Variants in MSR1 observed in about 807,000 individuals in gnomAD.
The protein encoded by MSR1 is macrophage scavenger receptor types I and II.
In MSR1, 53 loss-of-function variants were observed where a neutral mutation model predicts 47.2. That is an observed-to-expected ratio of 1.12 (90% CI 0.90 to 1.41). The LOEUF is 1.41. Ranked by LOEUF, MSR1 falls within the 40% of genes most tolerant of loss-of-function variation. MSR1 has a pLI of 0.00. For synonymous variants in MSR1, 239 were observed against 185.6 expected, an observed-to-expected ratio of 1.29 and a Z score of -2.34; for missense variants, 786 against 546.9, an observed-to-expected ratio of 1.44 and a Z score of -4.36.
intron 1 of MSR1, among the ~76,000 whole-genome samples, chr8:16,189,316 T>G (rs1232498298): frequency 7.9e-6 from 1 of 127,212 alleles, no homozygotes; most frequent in Non-Finnish European, 1.6e-5. Context: ...ATATATAAAA[T>G]CTTATTTACA....
chr8:16,183,836 T>C (rs1285451570), intron 1 of MSR1, among the ~76,000 whole-genome samples: 2 of 144,342 alleles, frequency 1.4e-5, no homozygotes, highest in South Asian at 2.1e-4. Flanking sequence ...ATATATTTTA[T>C]ATATCATAGA....
intron 2 of MSR1, among the ~76,000 whole-genome samples, chr8:16,176,969 T>C (rs952064101): frequency 6.6e-6 from 1 of 152,204 alleles, no homozygotes; most frequent in Non-Finnish European, 1.5e-5. Flanking sequence ...AAATATCTTC[T>C]CTTTCTTTTC....
In MSR1 at chr8:16,175,208, G is replaced by A; in HGVS notation, c.196C>T (p.Pro66Ser). Residue 66 changes from proline (P) to serine (S), a missense_variant, in exon 3 of 10, where the codon CCT (proline) becomes TCT (serine). Coordinates refer to ENST00000262101, the MANE Select transcript of MSR1 (RefSeq NM_138715.3). ...TTACCTGCCACTATTCCAATGAGAG[G>A]GATGAGAACTGCAAACACGAGGAGG... ...LYLLVFAVLI[P>S]LIGIVAAQLL... 6.2e-7 allele frequency: 1 copy of A among 1,613,906 alleles called. No homozygotes were observed. The highest frequency in any genetic ancestry group is 8.5e-7 in the Non-Finnish European group (1 of 1,179,922).
At chr8:16,140,821 C>G (rs1450967657) in intron 8 of MSR1, 1 of 1,539,034 alleles carries the variant, frequency 6.5e-7, no homozygotes, top group African/African-American at 1.4e-5. Flanking sequence ...AGCAGAGGCC[C>G]AAACAGCACC....
chr8:16,182,760 C>T (rs1563171174), intron 1 of MSR1, among the ~76,000 whole-genome samples: 1 of 152,058 alleles, frequency 6.6e-6, no homozygotes, highest in African/African-American at 2.4e-5. Context: ...TGCCTTCTTC[C>T]AGAATACCTC....
intron 3 of MSR1, among the ~76,000 whole-genome samples, chr8:16,173,442 G>C (rs908897747): frequency 1.3e-5 from 2 of 152,306 alleles, no homozygotes; most frequent in African/African-American, 2.4e-5. Flanking sequence ...TCAAATTACA[G>C]ATAAGCATAG....
At chr8:16,181,339 T>C (rs1010269503) in intron 1 of MSR1, among the ~76,000 whole-genome samples, 6 of 152,126 alleles carry the variant, frequency 3.9e-5, no homozygotes, top group African/African-American at 9.7e-5. Context: ...TATTTCTCCA[T>C]ATCCTCTCCA....
chr8:16,110,288 C>A, intron 9 of MSR1, 70 bp from the exon 10 acceptor site: 1 of 1,536,928 alleles, frequency 6.5e-7, no homozygotes, highest in Non-Finnish European at 9.0e-7. Context: ...GGGGCAAAGC[C>A]ATTAATTCCT....
At chr8:16,125,273 G>T (rs894149347) in intron 8 of MSR1, among the ~76,000 whole-genome samples, 1 of 152,082 alleles carries the variant, frequency 6.6e-6, no homozygotes, top group African/African-American at 2.4e-5. Flanking sequence ...TGCTTGACAA[G>T]GCCACTTTCT....
chr8:16,148,995 G>A lies in MSR1; in HGVS notation c.979+1236C>T, dbSNP rs372136173. Among the ~76,000 whole-genome samples the A allele has an allele frequency of 7.2e-5, 11 of 152,246 alleles. No homozygotes were observed. In the East Asian group the frequency reaches 2.1e-3, roughly 29 times the overall value. On this transcript the variant is annotated intron_variant, in intron 7 of 9. Coordinates refer to ENST00000262101, the MANE Select transcript of MSR1 (RefSeq NM_138715.3). The stretch of plus-strand genomic sequence containing the variant: ...TGGAAAAGGCAAAACTATGGAGTCA[G>A]TAAAAAGATCAGCAGCTGCCAAGAG...
chr8:16,163,919 A>G (rs940334759), intron 5 of MSR1, 146 bp downstream of exon 5: 14 of 661,660 alleles, frequency 2.1e-5, no homozygotes, highest in Non-Finnish European at 9.5e-6. Flanking sequence ...TCTGATTTTC[A>G]TATTCTTTCC....
chr8:16,178,135 G>C (rs1801712827), intron 1 of MSR1, 143 bp from the exon 2 acceptor site: 4 of 634,256 alleles, frequency 6.3e-6, no homozygotes, highest in Admixed American at 2.6e-5. Context: ...TTAAGCTCTA[G>C]GGTACATGTG....
intron 4 of MSR1, among the ~76,000 whole-genome samples, chr8:16,166,673 C>G (rs576433302): frequency 9.9e-5 from 15 of 152,138 alleles, no homozygotes; most frequent in South Asian, 4.2e-4. Flanking sequence ...TCCTTTTCAC[C>G]TCTATGGATG....
At chr8:16,189,326 A>ATATATACATAAAATCTTATTTATC (rs1802099773) in intron 1 of MSR1, among the ~76,000 whole-genome samples, 4 of 122,680 alleles carry the variant, frequency 3.3e-5, no homozygotes, top group African/African-American at 1.3e-4. Context: ...TCTTATTTAC[A>ATATATACATAAAATCTTATTTATC]TTTCATATAT....
At position 16,138,573 on chromosome 8, in the gene MSR1, A is replaced by G. The variant is rs148311354; in HGVS notation, c.1033+4985T>C. Among the ~76,000 whole-genome samples, 66 of 152,220 alleles carry G rather than the reference A, an allele frequency of 4.3e-4. No individual in the cohort carries two copies. The East Asian group carries it at 9.7e-3, about 22-fold the overall frequency. The stretch of plus-strand genomic sequence containing the variant: ...ATCTATATTTAGTCTAGGATGTCAG[A>G]TGACTTTTTAACTGAATCCCTGGAA... On this transcript the variant is annotated intron_variant, in intron 8 of 9. Transcript: ENST00000262101.
chr8:16,123,927 G>A (rs960358936), intron 8 of MSR1, among the ~76,000 whole-genome samples: 4 of 151,798 alleles, frequency 2.6e-5, no homozygotes, highest in African/African-American at 9.7e-5. Flanking sequence ...TTCTTTTTTT[G>A]TTGCAAGCTA....
chr8:16,173,259 C>A (rs1356921228), intron 3 of MSR1, among the ~76,000 whole-genome samples: 1 of 152,116 alleles, frequency 6.6e-6, no homozygotes, highest in South Asian at 2.1e-4. Flanking sequence ...TTGGTTAGAA[C>A]CTTGAATTAT....
intron 5 of MSR1, among the ~76,000 whole-genome samples, chr8:16,155,788 A>G (rs1800988845): frequency 6.6e-6 from 1 of 151,972 alleles, no homozygotes; most frequent in African/African-American, 2.4e-5. Flanking sequence ...AAAGGCAGGA[A>G]GGTGAAAATG....
intron 7 of MSR1, among the ~76,000 whole-genome samples, chr8:16,144,848 C>T (rs562351654): frequency 7.6e-4 from 116 of 151,974 alleles, no homozygotes; most frequent in African/African-American, 2.7e-3. Flanking sequence ...ACTTTTTCAT[C>T]GCAGTTCATT....
Sources: allele counts gnomAD v4.1 joint callset (sites outside exome capture counted in the v4.1 genomes callset), GRCh38; gene constraint gnomAD v4.1.1; transcripts MANE v1.5; gene names NCBI Gene and HGNC (gene_info 2026-07-23, HGNC 2026-07-21).